COQ9: variants seen among roughly 807,000 people sequenced by gnomAD.
The protein encoded by COQ9 is ubiquinone biosynthesis protein COQ9, mitochondrial.
A neutral mutation model predicts 42.4 loss-of-function variants in COQ9; 35 were observed. The ratio of observed to expected loss-of-function variants is 0.83; its 90% CI spans 0.63 to 1.10. COQ9 has a LOEUF of 1.10. COQ9 is among the 50% of genes least tolerant of loss of function. The pLI is 0.00. For synonymous variants in COQ9, 155 were observed against 155.1 expected, an observed-to-expected ratio of 1.00 and a Z score of 0.00; for missense variants, 406 against 414.6, an observed-to-expected ratio of 0.98 and a Z score of 0.18.
chr16:57,460,882 A>C lies in COQ9; in HGVS notation c.*258A>C. On this transcript the variant is annotated 3_prime_UTR_variant, in exon 9 of 9. Transcript: ENST00000262507. ...TTTCTGCACTGCAACTGTGTGATTG[A>C]AAAATGAGATGTTCATCCAAGCAGT... 2.0e-6 allele frequency: 1 copy of C among 495,254 alleles called. No individual in the cohort carries two copies. The highest frequency in any genetic ancestry group is 2.1e-5 in the South Asian group (1 of 48,072). The allele number at this position is 495,254 out of a possible 1,614,324, so 30.7% of individuals were successfully genotyped here. A position where few individuals can be genotyped will look rare whatever the true frequency, so the allele number is the denominator to read the frequency against.
chr16:57,451,848 T>G (rs768803057), intron 2 of COQ9, among the ~76,000 whole-genome samples: 4 of 152,226 alleles, frequency 2.6e-5, no homozygotes, highest in Non-Finnish European at 5.9e-5. Context: ...TTCACTAGTA[T>G]AAGAAATAAT....
chr16:57,459,113 C>T (rs1487229347), intron 6 of COQ9, among the ~76,000 whole-genome samples: 1 of 152,196 alleles, frequency 6.6e-6, no homozygotes, highest in African/African-American at 2.4e-5. Flanking sequence ...GACTTGAACT[C>T]TCAGCTTTGC....
chr16:57,448,323 A>C (rs1433862757), intron 1 of COQ9, among the ~76,000 whole-genome samples: 1 of 150,824 alleles, frequency 6.6e-6, no homozygotes, highest in Non-Finnish European at 1.5e-5. Flanking sequence ...TTTGGCACAT[A>C]CTATTCTGTT....
intron 3 of COQ9, among the ~76,000 whole-genome samples, chr16:57,455,156 C>A (rs1269629783): frequency 6.6e-6 from 1 of 151,788 alleles, no homozygotes; most frequent in East Asian, 1.9e-4. Flanking sequence ...AGGATGGCAC[C>A]AGAGTTGCAA....
At chr16:57,459,260 G>T (rs1384256117) in intron 6 of COQ9, among the ~76,000 whole-genome samples, 1 of 152,216 alleles carries the variant, frequency 6.6e-6, no homozygotes, top group Non-Finnish European at 1.5e-5. Flanking sequence ...TCTACTAGCA[G>T]TTCCAAAATG....
intron 1 of COQ9, among the ~76,000 whole-genome samples, chr16:57,450,224 G>C (rs2030250367): frequency 6.6e-6 from 1 of 152,094 alleles, no homozygotes; most frequent in South Asian, 2.1e-4. Context: ...GACCAGCCTG[G>C]CCAACATGGC....
chr16:57,451,109 A>G lies in COQ9; in HGVS notation c.143A>G (p.Asp48Gly), dbSNP rs146467088. 4.1e-5 allele frequency: 66 copies of G among 1,614,168 alleles called. No homozygotes were observed. The African/African-American group carries it at 7.9e-4, about 19-fold the overall frequency. ...TCAGCTGTGGGGCTAAGGTCTTCAG[A>G]TGAGCAGAAGCAGCAGCCTCCCAAC... ...HASAVGLRSS[D>G]EQKQQPPNSF... The change falls in exon 2 of 9, where the codon GAT (aspartate) becomes GGT (glycine). Residue 48 changes from aspartate (D) to glycine (G), a missense_variant. Physicochemically the swap from Asp to Gly is moderately conservative, Grantham distance 94. Transcript: ENST00000262507.
intron 7 of COQ9, 66 bp downstream of exon 7, chr16:57,459,786 C>A: frequency 6.3e-7 from 1 of 1,578,410 alleles, no homozygotes; most frequent in Non-Finnish European, 8.7e-7. Flanking sequence ...CAGGTCACAG[C>A]TGGTCTTGCT....
chr16:57,450,987 T>A, intron 1 of COQ9, 53 bp from the exon 2 acceptor site: 1 of 1,598,922 alleles, frequency 6.3e-7, no homozygotes, highest in Non-Finnish European at 8.5e-7. Context: ...CCACTCTGGG[T>A]CTGAAAGGGT....
In COQ9 at chr16:57,452,797, T is replaced by G; in HGVS notation, c.243-4T>G. ...GTATGCTGGGCTGTGTCCTCTTGTC[T>G]CAGGTATACAGACCAGGGCGGCGAG... is the stretch of plus-strand genomic sequence containing the variant. On this transcript the variant is annotated splice_region_variant and splice_polypyrimidine_tract_variant and intron_variant, in intron 2 of 8. Transcript: ENST00000262507. 1 of 1,612,924 alleles carries G rather than the reference T, an allele frequency of 6.2e-7. No homozygotes were observed. Among genetic ancestry groups the G allele is most frequent in the East Asian group, 2.2e-5 (1 of 44,880 alleles).
Position 57,456,991 on chromosome 16 carries a change from C to A in COQ9, c.582C>A (p.Ile194=), listed in dbSNP as rs2030419293. ...TGGAAACCAGACTGAGAATGCTGAT[C>A]CCATACATTGAGCACTGGCCCCGGG... is the stretch of plus-strand genomic sequence containing the variant. ...DAVETRLRML[I]PYIEHWPRAL... The change falls in exon 5 of 9, where the codon ATC becomes ATA. Residue 194 remains isoleucine, a synonymous_variant. Coordinates refer to ENST00000262507, the MANE Select transcript of COQ9 (RefSeq NM_020312.4). 2 of 1,613,940 alleles carry A rather than the reference C, an allele frequency of 1.2e-6. No homozygotes were observed. The highest frequency in any genetic ancestry group is 8.5e-7 in the Non-Finnish European group (1 of 1,179,810).
chr16:57,458,150 C>A, intron 5 of COQ9, 96 bp from the exon 6 acceptor site: 1 of 891,760 alleles, frequency 1.1e-6, no homozygotes, highest in Non-Finnish European at 1.8e-6. Flanking sequence ...CAGAGCTTGG[C>A]AGGCCCCCTC....
chr16:57,460,841 C>T lies in COQ9; in HGVS notation c.*217C>T. 1 of 571,728 alleles carries T rather than the reference C, an allele frequency of 1.7e-6. No homozygotes were observed. Among genetic ancestry groups the T allele is most frequent in the Non-Finnish European group, 3.2e-6 (1 of 315,154 alleles). 35.4% of individuals were successfully genotyped at this position (571,728 alleles called of 1,614,324 possible). ...GCTTCTTCAGTTCCTAATACCAGAC[C>T]AAGCCTCCTGATGCCTTTCTGCACT... On this transcript the variant is annotated 3_prime_UTR_variant, in exon 9 of 9. Transcript: ENST00000262507.
At position 57,459,496 on chromosome 16, in the gene COQ9, C is replaced by T. The variant is rs2030479246; in HGVS notation, c.712-69C>T. On this transcript the variant is annotated intron_variant, in intron 6 of 8. Coordinates refer to ENST00000262507, the MANE Select transcript of COQ9 (RefSeq NM_020312.4). ...TAGTCAAGAGGGAACCCAGGAGTTCCCATGGCCTTGGGTAGGAACTGCCTC... is the reference window on the plus strand; with the variant it reads ...TAGTCAAGAGGGAACCCAGGAGTTCTCATGGCCTTGGGTAGGAACTGCCTC... 5 of 1,559,872 alleles carry T rather than the reference C, an allele frequency of 3.2e-6. No individual in the cohort carries two copies. In the South Asian group the frequency reaches 3.3e-5, roughly 10 times the overall value.
At position 57,460,780 on chromosome 16, in the gene COQ9, G is replaced by A; in HGVS notation, c.*156G>A. ...ACCACAGCCACCTGGAAACCACAAG[G>A]CATTTGATGCTACCGTTCTGGTCAG... On this transcript the variant is annotated 3_prime_UTR_variant, in exon 9 of 9. Coordinates refer to ENST00000262507, the MANE Select transcript of COQ9 (RefSeq NM_020312.4). 2 of 707,358 alleles carry A rather than the reference G, an allele frequency of 2.8e-6. No homozygotes were observed. 43.8% of individuals were successfully genotyped at this position (707,358 alleles called of 1,614,324 possible).
intron 4 of COQ9, 126 bp from the exon 5 acceptor site, chr16:57,456,805 T>C (rs2030414628): frequency 7.6e-7 from 1 of 1,315,604 alleles, no homozygotes; most frequent in East Asian, 2.4e-5. Context: ...AGCCTGTCTC[T>C]GACGGCTTTA....
rs1362942475 is a variant in COQ9, at chr16:57,456,577, C to G, written c.452C>G (p.Thr151Ser). 1.9e-6 allele frequency: 3 copies of G among 1,614,006 alleles called. No homozygotes were observed. Among genetic ancestry groups the G allele is most frequent in the Non-Finnish European group, 2.5e-6 (3 of 1,180,016 alleles). Residue 151 changes from threonine to serine, a missense_variant, in exon 4 of 9, where the codon ACC becomes AGC. By Grantham distance (58) the Thr-to-Ser change is moderately conservative (BLOSUM62 1). Transcript: ENST00000262507. ...AGTGAGCTAATACTGCATTTTGTGA[C>G]CCAGTGCAATACCCGGCTCACACGT... is the stretch of plus-strand genomic sequence containing the variant. Reference protein sequence around the residue: ...DGSELILHFVTQCNTRLTRVL... With the variant: ...DGSELILHFVSQCNTRLTRVL...
Position 57,447,580 on chromosome 16 carries a change from T to C in COQ9, c.73+2T>C. 7.9e-7 allele frequency: 1 copy of C among 1,260,398 alleles called. No homozygotes were observed. The highest frequency in any genetic ancestry group is 1.0e-6 in the Non-Finnish European group (1 of 999,518). The allele number at this position is 1,260,398 out of a possible 1,614,324, so 78.1% of individuals were successfully genotyped here. ...TCCTGCAGCTGCGATGCCTGCCCGG[T>C]GAGGGGGCTGCCAAGCCGGGGAGAG... On this transcript the variant is annotated splice_donor_variant, in intron 1 of 8. Transcript: ENST00000262507. LOFTEE classifies it high-confidence loss of function.
At position 57,450,763 on chromosome 16, in the gene COQ9, A is replaced by G. The variant is rs1250123262; in HGVS notation, c.74-277A>G. 8.9e-5 allele frequency: 46 copies of G among 514,058 alleles called. 1 individual carries two copies. The highest frequency in any genetic ancestry group is 7.1e-6 in the Non-Finnish European group (2 of 283,532). The allele number at this position is 514,058 out of a possible 1,614,324, so 31.8% of individuals were successfully genotyped here. A position where few individuals can be genotyped will look rare whatever the true frequency, so the allele number is the denominator to read the frequency against. The stretch of plus-strand genomic sequence containing the variant: ...AATTTGCAGATTTAAAAATCTGCAC[A>G]TTGGGGTGAAATTGTTTGCCAGTTA... On this transcript the variant is annotated intron_variant, in intron 1 of 8. Coordinates refer to ENST00000262507, the MANE Select transcript of COQ9 (RefSeq NM_020312.4).
Sources: allele counts gnomAD v4.1 joint callset (sites outside exome capture counted in the v4.1 genomes callset), GRCh38; gene constraint gnomAD v4.1.1; transcripts MANE v1.5; gene names NCBI Gene and HGNC (gene_info 2026-07-23, HGNC 2026-07-21).